Variants in ENOX1 observed in about 807,000 individuals in gnomAD.
ENOX1 encodes the protein ecto-NOX disulfide-thiol exchanger 1.
ENOX1 carries 42 observed loss-of-function variants against 82.5 expected under a neutral mutation model. That is an observed-to-expected ratio of 0.51 (90% CI 0.40 to 0.66). ENOX1 has a LOEUF of 0.66. Ranked by LOEUF, ENOX1 falls within the 30% of genes least tolerant of loss-of-function variation. ENOX1 has a pLI of 0.00. For synonymous variants in ENOX1, 271 were observed against 282.2 expected (o/e 0.96, Z 0.40); for missense variants, 608 against 811.6 (o/e 0.75, Z 3.05).
intron 5 of ENOX1, among the ~76,000 whole-genome samples, chr13:43,361,710 T>C (rs2050521231): frequency 6.6e-6 from 1 of 152,176 alleles, no homozygotes; most frequent in Non-Finnish European, 1.5e-5. Flanking sequence ...CATATTAAAA[T>C]GTAAAAGCAT....
chr13:43,577,081 A>T (rs1339867336), intron 2 of ENOX1, among the ~76,000 whole-genome samples: 1 of 152,220 alleles, frequency 6.6e-6, no homozygotes, highest in African/African-American at 2.4e-5. Flanking sequence ...GGGAATAAGT[A>T]GTAACTGCTT....
chr13:43,477,162 C>T (rs2058320359), intron 3 of ENOX1, among the ~76,000 whole-genome samples: 1 of 140,978 alleles, frequency 7.1e-6, no homozygotes, highest in South Asian at 2.2e-4. Context: ...CATATATATA[C>T]ACATACATAT....
At chr13:43,364,819 CAA>C (rs1400943254) in intron 5 of ENOX1, among the ~76,000 whole-genome samples, 3 of 152,164 alleles carry the variant, frequency 2.0e-5, no homozygotes, top group Admixed American at 6.5e-5. Flanking sequence ...CCAAACTCAG[CAA>C]AAGAGTCGGG....
intron 1 of ENOX1, among the ~76,000 whole-genome samples, chr13:43,694,040 T>G (rs979760060): frequency 2.0e-5 from 3 of 152,318 alleles, no homozygotes; most frequent in Non-Finnish European, 2.9e-5. Flanking sequence ...ACCTTAGAGC[T>G]GCTAATCCGA....
At chr13:43,284,725 T>A (rs1431884849) in intron 12 of ENOX1, among the ~76,000 whole-genome samples, 1 of 152,142 alleles carries the variant, frequency 6.6e-6, no homozygotes, top group Non-Finnish European at 1.5e-5. Context: ...ACTTTCTTCT[T>A]TATTTTCTTC....
intron 2 of ENOX1, among the ~76,000 whole-genome samples, chr13:43,514,147 CTCTTT>C (rs1347256987): frequency 2.6e-5 from 4 of 152,076 alleles, no homozygotes; most frequent in African/African-American, 7.2e-5. Context: ...TTTATTTCAG[CTCTTT>C]TCTTTTTGTT....
At chr13:43,779,621 G>A (rs1222764522) in intron 1 of ENOX1, among the ~76,000 whole-genome samples, 1 of 152,186 alleles carries the variant, frequency 6.6e-6, no homozygotes, top group East Asian at 1.9e-4. Flanking sequence ...GGTGGGATCT[G>A]GAAATCAGTA....
intron 1 of ENOX1, among the ~76,000 whole-genome samples, chr13:43,776,346 G>A (rs1191482320): frequency 6.6e-6 from 1 of 152,054 alleles, no homozygotes; most frequent in Non-Finnish European, 1.5e-5. Flanking sequence ...CAGTCGAGGA[G>A]GGAATGAAGA....
intron 3 of ENOX1, among the ~76,000 whole-genome samples, chr13:43,433,675 C>T (rs1420036140): frequency 1.3e-5 from 2 of 152,168 alleles, no homozygotes; most frequent in Non-Finnish European, 2.9e-5. Flanking sequence ...ACGTGATGCA[C>T]TCTGAGTTTT....
chr13:43,304,413 T>C (rs1346989384), intron 11 of ENOX1, among the ~76,000 whole-genome samples: 2 of 152,174 alleles, frequency 1.3e-5, no homozygotes, highest in African/African-American at 4.8e-5. Flanking sequence ...GCTCTAGGAC[T>C]ATATTCCTCC....
intron 1 of ENOX1, among the ~76,000 whole-genome samples, chr13:43,754,047 C>CACATATATACATATATACGTATATAAAT (rs2153832155): frequency 2.1e-5 from 1 of 47,364 alleles, no homozygotes; most frequent in East Asian, 4.7e-4. Context: ...TATATAAATA[C>CACATATATACATATATACGTATATAAAT]ACATATATAT....
intron 5 of ENOX1, among the ~76,000 whole-genome samples, chr13:43,387,117 A>G (rs1426174154): frequency 6.6e-6 from 1 of 152,182 alleles, no homozygotes; most frequent in South Asian, 2.1e-4. Context: ...CGCAACTTTG[A>G]ACAGGACAGA....
chr13:43,532,149 TTAAAA>T (rs1162957879), intron 2 of ENOX1, among the ~76,000 whole-genome samples: 1 of 152,136 alleles, frequency 6.6e-6, no homozygotes, highest in Non-Finnish European at 1.5e-5. Context: ...AATAGCTCTG[TTAAAA>T]TAAAGAAAAA....
At chr13:43,780,203 C>G (rs778808132) in intron 1 of ENOX1, among the ~76,000 whole-genome samples, 1 of 150,900 alleles carries the variant, frequency 6.6e-6, no homozygotes, top group African/African-American at 2.4e-5. Flanking sequence ...ATCCCCAAAG[C>G]CAAATACAGT....
intron 3 of ENOX1, among the ~76,000 whole-genome samples, chr13:43,449,179 T>C (rs2056819527): frequency 1.3e-5 from 2 of 152,220 alleles, no homozygotes; most frequent in South Asian, 4.1e-4. Context: ...TGTTCTCAGT[T>C]CTAAATAAGT....
At chr13:43,421,460 A>T (rs2054970024) in intron 3 of ENOX1, among the ~76,000 whole-genome samples, 1 of 152,182 alleles carries the variant, frequency 6.6e-6, no homozygotes. Flanking sequence ...GTTACATCCC[A>T]ATGGAGTTAT....
chr13:43,766,380 T>A (rs1951266278), intron 1 of ENOX1, among the ~76,000 whole-genome samples: 1 of 152,214 alleles, frequency 6.6e-6, no homozygotes, highest in Non-Finnish European at 1.5e-5. Flanking sequence ...AAACACTTTC[T>A]TGTCACAGAG....
At chr13:43,462,971 C>A (rs1313263529) in intron 3 of ENOX1, among the ~76,000 whole-genome samples, 1 of 152,082 alleles carries the variant, frequency 6.6e-6, no homozygotes, top group Non-Finnish European at 1.5e-5. Context: ...AAAATCGGTG[C>A]CTCTCATTCT....
intron 11 of ENOX1, among the ~76,000 whole-genome samples, chr13:43,313,042 G>C (rs532027113): frequency 6.6e-6 from 1 of 152,298 alleles, no homozygotes; most frequent in Admixed American, 6.5e-5. Flanking sequence ...TATCACTGAA[G>C]GCATTTGAAA....
Sources: allele counts gnomAD v4.1 joint callset (sites outside exome capture counted in the v4.1 genomes callset), GRCh38; gene constraint gnomAD v4.1.1; transcripts MANE v1.5; gene names NCBI Gene and HGNC (gene_info 2026-07-23, HGNC 2026-07-21).